The following ST6GALNAC3 variants were observed in gnomAD, a reference collection of about 807,000 sequenced individuals.
ST6GALNAC3 encodes the protein ST6 N-acetylgalactosaminide alpha-2,6-sialyltransferase 3.
ST6GALNAC3 carries 25 observed loss-of-function variants against 32.7 expected under a neutral mutation model. The observed-to-expected ratio is 0.76, with a 90% CI of 0.56 to 1.07. The LOEUF (loss-of-function observed/expected upper bound fraction) is 1.07, where lower values mean the gene tolerates loss of function less well. ST6GALNAC3 is among the 50% of genes least tolerant of loss of function. The pLI is 0.00. For synonymous variants in ST6GALNAC3, 129 were observed against 133.1 expected (o/e 0.97, Z 0.21); for missense variants, 355 against 382.4 (o/e 0.93, Z 0.60).
chr1:76,450,159 T>G (rs1657288493), intron 3 of ST6GALNAC3, among the ~76,000 whole-genome samples: 1 of 152,190 alleles, frequency 6.6e-6, no homozygotes, highest in Non-Finnish European at 1.5e-5. Context: ...CATACTGTTT[T>G]CTAGTGGTTG....
intron 1 of ST6GALNAC3, chr1:76,142,736 T>G: frequency 2.6e-6 from 1 of 383,794 alleles, no homozygotes; most frequent in South Asian, 2.0e-5. Context: ...TTTTTAGCAG[T>G]GAGGAGCGTC....
chr1:76,314,968 C>G (rs1646838000), intron 2 of ST6GALNAC3, among the ~76,000 whole-genome samples: 1 of 152,060 alleles, frequency 6.6e-6, no homozygotes, highest in African/African-American at 2.4e-5. Context: ...TAAGCTTGGT[C>G]TACCCCCTTT....
intron 3 of ST6GALNAC3, among the ~76,000 whole-genome samples, chr1:76,566,131 G>A (rs7544201): frequency 0.15 from 22,485 of 152,156 alleles, 1,740 homozygotes; most frequent in Middle Eastern, 0.2. Context: ...ATGGATCCTT[G>A]GAGCACAGAC....
At position 76,629,451 on chromosome 1, in the gene ST6GALNAC3, A is replaced by T; in HGVS notation, c.*645A>T. 1 of 985,588 alleles carries T rather than the reference A, an allele frequency of 1.0e-6. No homozygotes were observed. The highest frequency in any genetic ancestry group is 1.2e-6 in the Non-Finnish European group (1 of 829,812). 61.1% of individuals were successfully genotyped at this position (985,588 alleles called of 1,614,324 possible). On this transcript the variant is annotated 3_prime_UTR_variant, in exon 5 of 5. Transcript: ENST00000328299. ...ATTACTTGACTATCTCAAACACATA[A>T]ATCAAAATGGGCCAAGTAGCAAATC...
intron 2 of ST6GALNAC3, among the ~76,000 whole-genome samples, chr1:76,344,059 G>A (rs1648288328): frequency 6.6e-6 from 1 of 152,200 alleles, no homozygotes; most frequent in Admixed American, 6.5e-5. Context: ...AGACAAATAT[G>A]CAAATGAACA....
At chr1:76,328,586 G>C (rs901900091) in intron 2 of ST6GALNAC3, among the ~76,000 whole-genome samples, 1 of 152,138 alleles carries the variant, frequency 6.6e-6, no homozygotes, top group African/African-American at 2.4e-5. Context: ...TTTCATACCT[G>C]CTTGTACTGA....
intron 1 of ST6GALNAC3, among the ~76,000 whole-genome samples, chr1:76,166,187 C>T (rs1027429132): frequency 3.9e-5 from 6 of 151,908 alleles, no homozygotes; most frequent in Non-Finnish European, 7.4e-5. Flanking sequence ...TTGTATATGG[C>T]GGAAGGAAGG....
intron 3 of ST6GALNAC3, among the ~76,000 whole-genome samples, chr1:76,458,059 C>G (rs1249662206): frequency 6.8e-6 from 1 of 148,064 alleles, no homozygotes; most frequent in Admixed American, 6.8e-5. Flanking sequence ...ACAACCCCAT[C>G]AAAAAGTGGG....
intron 3 of ST6GALNAC3, among the ~76,000 whole-genome samples, chr1:76,435,386 G>A (rs1466127701): frequency 6.6e-6 from 1 of 152,158 alleles, no homozygotes; most frequent in Non-Finnish European, 1.5e-5. Context: ...TAAATATGTA[G>A]AAGCTGCAAA....
At chr1:76,569,532 T>G (rs1289609083) in intron 3 of ST6GALNAC3, among the ~76,000 whole-genome samples, 1 of 152,216 alleles carries the variant, frequency 6.6e-6, no homozygotes, top group Non-Finnish European at 1.5e-5. Context: ...ATGTTAATAC[T>G]GGTTGCAAAT....
chr1:76,325,245 C>A (rs941154139), intron 2 of ST6GALNAC3, among the ~76,000 whole-genome samples: 2 of 152,194 alleles, frequency 1.3e-5, no homozygotes, highest in Non-Finnish European at 2.9e-5. Flanking sequence ...ATTGTGAATA[C>A]ATCACTGTTT....
chr1:76,491,657 G>T (rs1660508220), intron 3 of ST6GALNAC3, among the ~76,000 whole-genome samples: 1 of 152,118 alleles, frequency 6.6e-6, no homozygotes, highest in Non-Finnish European at 1.5e-5. Flanking sequence ...GTTACCACTG[G>T]AAGTGAGATG....
chr1:76,571,660 A>G (rs1204303013), intron 3 of ST6GALNAC3, among the ~76,000 whole-genome samples: 1 of 152,096 alleles, frequency 6.6e-6, no homozygotes, highest in East Asian at 1.9e-4. Context: ...ATGGGAAAGA[A>G]AGGTTTCCTA....
chr1:76,577,992 G>A (rs1168609887), intron 3 of ST6GALNAC3, among the ~76,000 whole-genome samples: 2 of 152,078 alleles, frequency 1.3e-5, no homozygotes, highest in Non-Finnish European at 2.9e-5. Context: ...AGCAGATGGG[G>A]ACTTGATAAT....
intron 2 of ST6GALNAC3, among the ~76,000 whole-genome samples, chr1:76,333,575 A>G (rs777866725): frequency 3.3e-5 from 5 of 152,200 alleles, no homozygotes; most frequent in Non-Finnish European, 7.3e-5. Context: ...TTCATTTGAT[A>G]TTCATCATCA....
chr1:76,143,447 G>C (rs542217860), intron 1 of ST6GALNAC3, among the ~76,000 whole-genome samples: 3 of 151,372 alleles, frequency 2.0e-5, no homozygotes, highest in Non-Finnish European at 4.4e-5. Flanking sequence ...GCATGTATTT[G>C]AAATGGAAGT....
At chr1:76,143,392 CGTGTGTGT>C (rs4034974) in intron 1 of ST6GALNAC3, among the ~76,000 whole-genome samples, 1 of 142,444 alleles carries the variant, frequency 7.0e-6, no homozygotes, top group Middle Eastern at 3.6e-3. Context: ...CTTACCAAGT[CGTGTGTGT>C]GTGTGTGTGT....
chr1:76,130,854 C>T (rs1649563243), intron 1 of ST6GALNAC3, among the ~76,000 whole-genome samples: 1 of 152,224 alleles, frequency 6.6e-6, no homozygotes, highest in South Asian at 2.1e-4. Context: ...TGGTTTTCTG[C>T]TGCTACTGAC....
intron 3 of ST6GALNAC3, among the ~76,000 whole-genome samples, chr1:76,426,546 TATATATATATATATCTGTAC>T (rs1381622247): frequency 6.7e-6 from 1 of 148,466 alleles, no homozygotes; most frequent in African/African-American, 2.5e-5. Context: ...GTTTTACAGA[TATATATATATATATCTGTAC>T]ATATATATAT....
Sources: allele counts gnomAD v4.1 joint callset (sites outside exome capture counted in the v4.1 genomes callset), GRCh38; gene constraint gnomAD v4.1.1; transcripts MANE v1.5; gene names NCBI Gene and HGNC (gene_info 2026-07-23, HGNC 2026-07-21).